The following AGAP1 variants were observed in gnomAD, a reference collection of about 807,000 sequenced individuals.
AGAP1 encodes the protein arf-GAP with GTPase, ANK repeat and PH domain-containing protein 1.
Under a neutral mutation model 105.3 loss-of-function variants are expected in AGAP1, and 29 were observed. The observed-to-expected ratio is 0.28, with a 90% CI of 0.21 to 0.38. The LOEUF (loss-of-function observed/expected upper bound fraction) is 0.38. Ranked by LOEUF, AGAP1 falls within the 10% of genes least tolerant of loss-of-function variation. The probability of loss-of-function intolerance (pLI) is 1.00; values close to 1 mark genes in which losing one functional copy is unlikely to be tolerated. For synonymous variants in AGAP1, 509 were observed against 485.9 expected (o/e 1.05, Z -0.63); for missense variants, 998 against 1,165.1 (o/e 0.86, Z 2.09).
In AGAP1 at chr2:235,981,684, C is replaced by A. The variant is rs1575961325; in HGVS notation, c.1645+13061C>A. On this transcript the variant is annotated intron_variant, in intron 13 of 17. Coordinates refer to ENST00000304032, the MANE Select transcript of AGAP1 (RefSeq NM_001037131.3). This position sits in a 1 kb window ranked among gnomAD's most constrained non-coding sequence, Gnocchi z 5.5. The stretch of plus-strand genomic sequence containing the variant: ...GTGCTTTACACGCAGCGTCTCATAA[C>A]CCTCACAAGAACCTGGGAGGTGGGT... Among the ~76,000 whole-genome samples, 1 of 152,176 alleles carries A rather than the reference C, an allele frequency of 6.6e-6. No homozygotes were observed.
chr2:236,017,951 G>A (rs1260951632), intron 13 of AGAP1, among the ~76,000 whole-genome samples: 2 of 152,320 alleles, frequency 1.3e-5, no homozygotes, highest in African/African-American at 2.4e-5. Context: ...ACAGATCCAC[G>A]TGGAAGGAGT....
At chr2:235,851,989 G>A (rs1261620110) in intron 9 of AGAP1, among the ~76,000 whole-genome samples, 1 of 152,152 alleles carries the variant, frequency 6.6e-6, no homozygotes, top group African/African-American at 2.4e-5. Context: ...GGGTGAAAGA[G>A]ATTAACAACC....
At position 235,691,935 on chromosome 2, in the gene AGAP1, A is replaced by G. The variant is rs1480943282; in HGVS notation, c.164-17244A>G. 6.6e-6 allele frequency among the ~76,000 whole-genome samples: 1 copy of G among 152,226 alleles called. No homozygotes were observed. Among genetic ancestry groups the G allele is most frequent in the Non-Finnish European group, 1.5e-5 (1 of 68,038 alleles). On this transcript the variant is annotated intron_variant, in intron 1 of 17. Transcript: ENST00000304032. This position sits in a 1 kb window ranked among gnomAD's most constrained non-coding sequence, Gnocchi z 4.4. ...CCTAGTAGAAACAGACATGCAGCAT[A>G]TTGTGAAATGTTTCAGAGAAATAAC... is the stretch of plus-strand genomic sequence containing the variant.
At chr2:236,116,371 A>ATTTTTTTTTTTTT (rs1279711628) in intron 16 of AGAP1, among the ~76,000 whole-genome samples, 1 of 55,842 alleles carries the variant, frequency 1.8e-5, no homozygotes, top group Non-Finnish European at 4.7e-5. Context: ...TTTTTTTGAG[A>ATTTTTTTTTTTTT]GAGAGTTTTG....
chr2:235,504,260 T>A (rs201921713), intron 1 of AGAP1, among the ~76,000 whole-genome samples: 2 of 152,192 alleles, frequency 1.3e-5, no homozygotes, highest in East Asian at 3.9e-4. Flanking sequence ...CAGCACAGAC[T>A]CATCTGTCGT....
chr2:235,839,812 A>G (rs1322160264), intron 9 of AGAP1, among the ~76,000 whole-genome samples: 1 of 152,176 alleles, frequency 6.6e-6, no homozygotes, highest in Non-Finnish European at 1.5e-5. Flanking sequence ...CATACATGAA[A>G]TGGTTTTTTA....
rs2059343151 is a variant in AGAP1 at position 236,101,457 on chromosome 2, C to T, written c.2115-18735C>T. On this transcript the variant is annotated intron_variant, in intron 16 of 17. Transcript: ENST00000304032. The surrounding 1 kb of genome is among the most constrained non-coding windows in gnomAD (Gnocchi z 4.9). ...TTCTCAGGTTTGACAGCCACTTAGC[C>T]AGCAAATCCCTGAGAAGCCACCGGC... Among the ~76,000 whole-genome samples the T allele has an allele frequency of 6.6e-6, 1 of 152,246 alleles. No individual in the cohort carries two copies. Among genetic ancestry groups the T allele is most frequent in the South Asian group, 2.1e-4 (1 of 4,824 alleles).
intron 13 of AGAP1, among the ~76,000 whole-genome samples, chr2:236,010,130 C>T: frequency 7.0e-6 from 1 of 141,996 alleles, no homozygotes; most frequent in Non-Finnish European, 1.5e-5. Flanking sequence ...AAAAAAAAAA[C>T]AAAAAACTTT....
intron 1 of AGAP1, among the ~76,000 whole-genome samples, chr2:235,547,155 G>A (rs1035582472): frequency 6.6e-6 from 1 of 152,116 alleles, no homozygotes; most frequent in Non-Finnish European, 1.5e-5. Context: ...GGAGGTGACG[G>A]GCAGTGGCTT....
At chr2:235,759,361 G>T (rs1039154657) in intron 6 of AGAP1, among the ~76,000 whole-genome samples, 2 of 150,604 alleles carry the variant, frequency 1.3e-5, no homozygotes, top group African/African-American at 2.4e-5. Flanking sequence ...AGTAGAGACG[G>T]GCTTTCACCG....
At position 235,891,443 on chromosome 2, in the gene AGAP1, G is replaced by A. The variant is rs139369002; in HGVS notation, c.1155+7994G>A. Among the ~76,000 whole-genome samples the A allele has an allele frequency of 3.0e-4, 46 of 152,244 alleles. 1 individual carries two copies. The East Asian group carries it at 7.7e-3, about 26-fold the overall frequency. On this transcript the variant is annotated intron_variant, in intron 10 of 17. Transcript: ENST00000304032. This position sits in a 1 kb window ranked among gnomAD's most constrained non-coding sequence, Gnocchi z 4.2. The stretch of plus-strand genomic sequence containing the variant: ...TGCTGGATCACAGTTCAGGTGGATC[G>A]AGGGCAGCCTGTTCTAAGACCCTGA...
At position 235,723,459 on chromosome 2, in the gene AGAP1, C is replaced by T. The variant is rs746929498; in HGVS notation, c.310+5815C>T. Among the ~76,000 whole-genome samples the T allele has an allele frequency of 9.9e-5, 15 of 152,192 alleles. No individual in the cohort carries two copies. Among genetic ancestry groups the T allele is most frequent in the Non-Finnish European group, 1.5e-5 (1 of 68,034 alleles). On this transcript the variant is annotated intron_variant, in intron 3 of 17. Coordinates refer to ENST00000304032, the MANE Select transcript of AGAP1 (RefSeq NM_001037131.3). The surrounding 1 kb of genome is among the most constrained non-coding windows in gnomAD (Gnocchi z 6.2). ...TGGACCTGCCCAAGACACTTCACCC[C>T]CTGCAGGTGGGGAGAGTGTGGCGTC...
At chr2:235,808,133 G>A (rs1297796126) in intron 9 of AGAP1, among the ~76,000 whole-genome samples, 1 of 152,176 alleles carries the variant, frequency 6.6e-6, no homozygotes, top group Non-Finnish European at 1.5e-5. Context: ...CCCACACAGT[G>A]GCTTCTGAAA....
intron 8 of AGAP1, among the ~76,000 whole-genome samples, chr2:235,806,974 T>C (rs1255620543): frequency 6.6e-6 from 1 of 152,172 alleles, no homozygotes; most frequent in African/African-American, 2.4e-5. Flanking sequence ...TTTCTAGTAG[T>C]TGAATTTTGA....
At chr2:236,026,450 C>T (rs1351685681) in intron 13 of AGAP1, among the ~76,000 whole-genome samples, 2 of 152,180 alleles carry the variant, frequency 1.3e-5, no homozygotes, top group Non-Finnish European at 1.5e-5. Context: ...TATGACACGC[C>T]GGGCACGGTT....
chr2:235,498,770 G>A (rs1173524206), intron 1 of AGAP1, among the ~76,000 whole-genome samples: 1 of 152,190 alleles, frequency 6.6e-6, no homozygotes, highest in Non-Finnish European at 1.5e-5. Flanking sequence ...CTTCCTCTGA[G>A]GTTGAGCCCT....
intron 13 of AGAP1, among the ~76,000 whole-genome samples, chr2:235,975,030 G>A (rs374797245): frequency 6.6e-6 from 1 of 152,232 alleles, no homozygotes; most frequent in African/African-American, 2.4e-5. Context: ...AAAAGTTAGG[G>A]AAGGCTAACC....
rs1462725058 is a variant in AGAP1 at position 235,622,606 on chromosome 2, A to T, written c.164-86573A>T. 6.6e-6 allele frequency among the ~76,000 whole-genome samples: 1 copy of T among 152,138 alleles called. No homozygotes were observed. Among genetic ancestry groups the T allele is most frequent in the Non-Finnish European group, 1.5e-5 (1 of 68,038 alleles). On this transcript the variant is annotated intron_variant, in intron 1 of 17. Coordinates refer to ENST00000304032, the MANE Select transcript of AGAP1 (RefSeq NM_001037131.3). This position sits in a 1 kb window ranked among gnomAD's most constrained non-coding sequence, Gnocchi z 5.0. Reference sequence around the variant, plus strand: ...CTAAGTCAACTTTGACGCTTCAGCCAACGTCGGTTTTGAGAATGCGACCTA... The same window carrying T: ...CTAAGTCAACTTTGACGCTTCAGCCTACGTCGGTTTTGAGAATGCGACCTA...
At chr2:236,084,230 G>GT (rs1485650525) in intron 16 of AGAP1, among the ~76,000 whole-genome samples, 3 of 151,092 alleles carry the variant, frequency 2.0e-5, no homozygotes, top group Admixed American at 6.6e-5. Context: ...GGGCGGGGGG[G>GT]GGTCTCTGCG....
Sources: gnomAD v4.1 joint callset for allele counts (sites outside exome capture counted in the v4.1 genomes callset) on GRCh38, gnomAD v4.1.1 for gene constraint, Gnocchi (gnomAD v3.1) non-coding constraint, MANE v1.5 for transcripts, NCBI Gene and HGNC (gene_info 2026-07-23, HGNC 2026-07-21) for gene names.